DPP10: variants seen among roughly 807,000 people sequenced by gnomAD.
The protein encoded by DPP10 is inactive dipeptidyl peptidase 10.
DPP10 carries 33 observed loss-of-function variants against 120.9 expected under a neutral mutation model. That is an observed-to-expected ratio of 0.27 (90% CI 0.21 to 0.37). DPP10 has a LOEUF of 0.37. DPP10 is among the 10% of genes least tolerant of loss of function. The pLI is 1.00. For missense variants in DPP10, 816 were observed against 942.8 expected (o/e 0.87, Z 1.76); for synonymous variants, 337 against 326.1 (o/e 1.03, Z -0.36).
At chr2:115,769,393 T>C (rs1438704112) in intron 13 of DPP10, among the ~76,000 whole-genome samples, 1 of 152,132 alleles carries the variant, frequency 6.6e-6, no homozygotes, top group Non-Finnish European at 1.5e-5. Context: ...ACATTTGTAT[T>C]GGACAGCTTA....
chr2:115,132,757 C>T lies in DPP10; in HGVS notation c.61-176482C>T, dbSNP rs958345295. Among the ~76,000 whole-genome samples, 20 of 152,028 alleles carry T rather than the reference C, an allele frequency of 1.3e-4. 1 individual carries two copies. The highest frequency in any genetic ancestry group is 9.8e-4 in the Admixed American group (15 of 15,256). ...GAAGTTTGTCAGTTCAGCCAGTTGG[C>T]GGAACTGAAAATTTTACTTACGGTT... On this transcript the variant is annotated intron_variant, in intron 1 of 25. Coordinates refer to ENST00000410059, the MANE Select transcript of DPP10 (RefSeq NM_020868.6).
chr2:115,549,599 T>G (rs1575153614), intron 5 of DPP10, among the ~76,000 whole-genome samples: 1 of 152,262 alleles, frequency 6.6e-6, no homozygotes, highest in South Asian at 2.1e-4. Context: ...ATCTCTATCT[T>G]TATTCACCGG....
At chr2:114,778,413 G>C in intron 1 of DPP10, among the ~76,000 whole-genome samples, 1 of 152,096 alleles carries the variant, frequency 6.6e-6, no homozygotes, top group East Asian at 1.9e-4. Flanking sequence ...GTTAGCCACA[G>C]TGGCTAATTT....
chr2:114,849,033 G>A (rs956980699), intron 1 of DPP10, among the ~76,000 whole-genome samples: 2 of 152,186 alleles, frequency 1.3e-5, no homozygotes, highest in Non-Finnish European at 2.9e-5. Flanking sequence ...ATTCATGAGA[G>A]CACTGCAATA....
intron 3 of DPP10, among the ~76,000 whole-genome samples, chr2:115,365,612 G>A (rs963747576): frequency 2.0e-5 from 3 of 151,752 alleles, no homozygotes; most frequent in African/African-American, 7.3e-5. Context: ...CAATACAATG[G>A]CAATTAATTC....
At chr2:114,476,670 A>G (rs6715743) in intron 1 of DPP10, among the ~76,000 whole-genome samples, 102,438 of 152,116 alleles carry the variant, frequency 0.67, 34,673 homozygotes, top group East Asian at 0.72. Flanking sequence ...AATAGTGCGT[A>G]TGTGTGAGTG....
chr2:115,514,232 G>A (rs2077382180), intron 4 of DPP10, among the ~76,000 whole-genome samples: 1 of 151,842 alleles, frequency 6.6e-6, no homozygotes, highest in African/African-American at 2.4e-5. Context: ...ATCTATCTAT[G>A]TGTGGATCTT....
chr2:115,323,339 A>T (rs2062164637), intron 2 of DPP10, among the ~76,000 whole-genome samples: 1 of 152,198 alleles, frequency 6.6e-6, no homozygotes, highest in South Asian at 2.1e-4. Context: ...GTTCAGTTTC[A>T]TCTTCATGTT....
chr2:114,955,186 T>C (rs1216978828), intron 1 of DPP10, among the ~76,000 whole-genome samples: 1 of 152,168 alleles, frequency 6.6e-6, no homozygotes, highest in Non-Finnish European at 1.5e-5. Flanking sequence ...AAAGGGTGGA[T>C]TATTATGCCT....
intron 1 of DPP10, among the ~76,000 whole-genome samples, chr2:115,030,742 GT>G (rs771899928): frequency 5.9e-5 from 9 of 152,092 alleles, no homozygotes; most frequent in Non-Finnish European, 1.0e-4. Flanking sequence ...GCAGTATTTG[GT>G]TTTCTGTTCC....
At chr2:115,107,831 T>G (rs1298947114) in intron 1 of DPP10, among the ~76,000 whole-genome samples, 5 of 152,142 alleles carry the variant, frequency 3.3e-5, no homozygotes, top group African/African-American at 7.2e-5. Context: ...AAAACCTGAA[T>G]GTGCAAAATT....
chr2:114,867,195 T>C (rs1286240160), intron 1 of DPP10, among the ~76,000 whole-genome samples: 1 of 152,200 alleles, frequency 6.6e-6, no homozygotes, highest in Non-Finnish European at 1.5e-5. Flanking sequence ...GGAAGCTCAG[T>C]TGGCAGTCTG....
chr2:115,545,076 A>G (rs1261883936), intron 5 of DPP10, among the ~76,000 whole-genome samples: 2 of 152,036 alleles, frequency 1.3e-5, no homozygotes, highest in Non-Finnish European at 2.9e-5. Context: ...GTCAAGTGAC[A>G]AAAAAATCTA....
At chr2:115,019,707 A>T (rs1003067027) in intron 1 of DPP10, among the ~76,000 whole-genome samples, 1 of 152,228 alleles carries the variant, frequency 6.6e-6, no homozygotes, top group African/African-American at 2.4e-5. Flanking sequence ...ACCTAGGCAC[A>T]TAGTCATCAG....
At chr2:115,260,104 C>A (rs2059187591) in intron 1 of DPP10, among the ~76,000 whole-genome samples, 1 of 150,782 alleles carries the variant, frequency 6.6e-6, no homozygotes, top group East Asian at 1.9e-4. Flanking sequence ...TCACTGCTTT[C>A]CATAAAGTAT....
chr2:114,666,966 T>G (rs1697970834), intron 1 of DPP10, among the ~76,000 whole-genome samples: 1 of 152,230 alleles, frequency 6.6e-6, no homozygotes, highest in Non-Finnish European at 1.5e-5. Context: ...TTAGGGAACA[T>G]TTTCTGTAAA....
chr2:114,660,337 C>T (rs1422473852), intron 1 of DPP10, among the ~76,000 whole-genome samples: 1 of 152,092 alleles, frequency 6.6e-6, no homozygotes, highest in Admixed American at 6.5e-5. Flanking sequence ...ATCCTTGACA[C>T]CTGCTCAGAG....
At chr2:114,640,435 A>T (rs992650229) in intron 1 of DPP10, among the ~76,000 whole-genome samples, 5 of 151,908 alleles carry the variant, frequency 3.3e-5, no homozygotes, top group African/African-American at 1.2e-4. Flanking sequence ...ATCTACTTGT[A>T]TAGGACAAAA....
chr2:114,550,123 T>C (rs1687765323), intron 1 of DPP10, among the ~76,000 whole-genome samples: 2 of 152,198 alleles, frequency 1.3e-5, no homozygotes, highest in Non-Finnish European at 2.9e-5. Flanking sequence ...CTCCCTCATT[T>C]TTCATTTAAA....
Sources: allele counts gnomAD v4.1 joint callset (sites outside exome capture counted in the v4.1 genomes callset), GRCh38; gene constraint gnomAD v4.1.1; transcripts MANE v1.5; gene names NCBI Gene and HGNC (gene_info 2026-07-23, HGNC 2026-07-21).